The following EPB41L5 variants were observed in gnomAD, a reference collection of about 807,000 sequenced individuals.
EPB41L5 encodes the protein band 4.1-like protein 5.
EPB41L5 carries 55 observed loss-of-function variants against 106.6 expected under a neutral mutation model. The observed-to-expected ratio is 0.52, with a 90% CI of 0.42 to 0.65. The LOEUF (loss-of-function observed/expected upper bound fraction) is 0.65. EPB41L5 is among the 30% of genes least tolerant of loss of function. The probability of loss-of-function intolerance (pLI) is 0.00; values close to 1 mark genes in which losing one functional copy is unlikely to be tolerated. For missense variants in EPB41L5, 871 were observed against 882.1 expected (o/e 0.99, Z 0.16); for synonymous variants, 297 against 306.7 (o/e 0.97, Z 0.33).
rs1678695771 is a variant in EPB41L5, at chr2:120,031,321, G to A, written c.181-10685G>A. Among the ~76,000 whole-genome samples the A allele has an allele frequency of 6.6e-5, 10 of 152,282 alleles. No individual in the cohort carries two copies. The South Asian group carries it at 2.1e-3, about 32-fold the overall frequency. On this transcript the variant is annotated intron_variant, in intron 2 of 24. Transcript: ENST00000263713. The stretch of plus-strand genomic sequence containing the variant: ...GTCTTGATAAATTGGTTCTGTCTAG[G>A]CAGTGGGCAAGGTGAACCCATTGGG...
chr2:120,047,152 T>G (rs1679838444), intron 3 of EPB41L5, among the ~76,000 whole-genome samples: 2 of 152,208 alleles, frequency 1.3e-5, no homozygotes, highest in Admixed American at 1.3e-4. Flanking sequence ...GGGCTCTTTT[T>G]TGGTTCCGTA....
chr2:120,174,954 T>G lies in EPB41L5; in HGVS notation c.*47T>G, dbSNP rs1558923449. The G allele has an allele frequency of 1.9e-6, 3 of 1,551,680 alleles. No individual in the cohort carries two copies. The highest frequency in any genetic ancestry group is 1.8e-6 in the Non-Finnish European group (2 of 1,123,008). ...ATCTCTCCAGCATTCCGTCCTGGGA[T>G]CCGTTTCAGCTAGAATATGTTGGAT... On this transcript the variant is annotated 3_prime_UTR_variant, in exon 25 of 25. Coordinates refer to ENST00000263713, the MANE Select transcript of EPB41L5 (RefSeq NM_020909.4).
At chr2:120,036,116 A>G (rs1052614655) in intron 2 of EPB41L5, among the ~76,000 whole-genome samples, 23 of 152,238 alleles carry the variant, frequency 1.5e-4, no homozygotes, top group African/African-American at 5.3e-4. Context: ...AGTGTCTTCA[A>G]GAATAAATCA....
chr2:120,112,913 A>G (rs1188839957), intron 16 of EPB41L5, among the ~76,000 whole-genome samples: 1 of 152,230 alleles, frequency 6.6e-6, no homozygotes. Flanking sequence ...CTGGGCTTCA[A>G]ACTCAAGACA....
intron 10 of EPB41L5, among the ~76,000 whole-genome samples, chr2:120,079,127 G>A (rs1220566478): frequency 2.0e-5 from 3 of 152,114 alleles, no homozygotes; most frequent in East Asian, 1.9e-4. Context: ...GAGAATCAGG[G>A]TACTGTTTAC....
At chr2:120,153,157 G>A (rs1044519068) in intron 20 of EPB41L5, among the ~76,000 whole-genome samples, 29 of 151,998 alleles carry the variant, frequency 1.9e-4, no homozygotes, top group African/African-American at 6.3e-4. Context: ...TTTATTCTGA[G>A]CGTTGCTTTT....
chr2:120,093,543 G>A (rs1382153455), intron 14 of EPB41L5, among the ~76,000 whole-genome samples: 1 of 152,186 alleles, frequency 6.6e-6, no homozygotes, highest in East Asian at 1.9e-4. Context: ...AGTGGCTGAG[G>A]ATCTTAAGAT....
chr2:120,146,199 C>T, intron 19 of EPB41L5, 26 bp from the exon 20 acceptor site: 2 of 1,415,520 alleles, frequency 1.4e-6, no homozygotes, highest in Non-Finnish European at 2.0e-6. Context: ...TAAAGATTTA[C>T]TTTTTTTAAT....
At chr2:120,065,955 A>G (rs759679779) in intron 3 of EPB41L5, among the ~76,000 whole-genome samples, 1 of 152,176 alleles carries the variant, frequency 6.6e-6, no homozygotes, top group Non-Finnish European at 1.5e-5. Flanking sequence ...GCCAACACAC[A>G]TGTGTGTGCA....
chr2:120,174,779 C>T lies in EPB41L5; in HGVS notation c.2136-62C>T, dbSNP rs530286270. The T allele has an allele frequency of 3.4e-5, 48 of 1,417,830 alleles. No homozygotes were observed. In the African/African-American group the frequency reaches 5.8e-4, roughly 17 times the overall value. 87.8% of individuals were successfully genotyped at this position (1,417,830 alleles called of 1,614,324 possible). A position where few individuals can be genotyped will look rare whatever the true frequency, so the allele number is the denominator to read the frequency against. ...ATGCTCTGTGTGGCACTAATGGAGA[C>T]ATGAATGTCCTCCTCCAAACCCCAG... On this transcript the variant is annotated intron_variant, in intron 24 of 24. Coordinates refer to ENST00000263713, the MANE Select transcript of EPB41L5 (RefSeq NM_020909.4).
chr2:120,160,966 G>A lies in EPB41L5; in HGVS notation c.1879G>A (p.Val627Ile). The A allele has an allele frequency of 1.2e-6, 2 of 1,613,050 alleles. No homozygotes were observed. The highest frequency in any genetic ancestry group is 1.3e-5 in the African/African-American group (1 of 75,006). The change falls in exon 21 of 25, where the codon GTT becomes ATT. Residue 627 changes from valine (V) to isoleucine (I), a missense_variant. By Grantham distance (29) the Val-to-Ile change is conservative. Transcript: ENST00000263713. ...MLITPADSGS[V>I]LKEATDELDA... ...TATCACACCTGCCGACAGTGGTTCTGTTCTAAAGGTAAGAATACTTTTACT... is the reference window on the plus strand; with the variant it reads ...TATCACACCTGCCGACAGTGGTTCTATTCTAAAGGTAAGAATACTTTTACT...
At chr2:120,025,072 A>G (rs953997721) in intron 2 of EPB41L5, among the ~76,000 whole-genome samples, 5 of 152,180 alleles carry the variant, frequency 3.3e-5, no homozygotes, top group African/African-American at 7.2e-5. Flanking sequence ...AAGGAATGGT[A>G]CCGCTCCTCT....
chr2:120,159,734 C>G (rs181761939), intron 20 of EPB41L5, among the ~76,000 whole-genome samples: 5 of 152,122 alleles, frequency 3.3e-5, no homozygotes, highest in Non-Finnish European at 7.4e-5. Context: ...AATAGAGAGC[C>G]CAGAAATAGT....
chr2:120,083,957 A>G (rs1004932796), intron 10 of EPB41L5, among the ~76,000 whole-genome samples: 9 of 151,918 alleles, frequency 5.9e-5, no homozygotes, highest in African/African-American at 2.2e-4. Context: ...TGCTTGGTAG[A>G]TCTTCCTCCA....
intron 2 of EPB41L5, among the ~76,000 whole-genome samples, chr2:120,032,744 T>TA (rs1678798448): frequency 6.6e-6 from 1 of 152,252 alleles, no homozygotes; most frequent in Admixed American, 6.5e-5. Flanking sequence ...AAGCCTTTAA[T>TA]ACGTGAGGCA....
chr2:120,069,256 A>G (rs1162813800), intron 3 of EPB41L5, among the ~76,000 whole-genome samples: 1 of 152,044 alleles, frequency 6.6e-6, no homozygotes, highest in Non-Finnish European at 1.5e-5. Context: ...AAAGGGATCA[A>G]CGCAACAAGA....
At chr2:120,151,399 G>A (rs1323928747) in intron 20 of EPB41L5, among the ~76,000 whole-genome samples, 1 of 152,082 alleles carries the variant, frequency 6.6e-6, no homozygotes, top group African/African-American at 2.4e-5. Context: ...AAAATCAGTT[G>A]TATTTCTATA....
intron 16 of EPB41L5, among the ~76,000 whole-genome samples, chr2:120,112,246 T>C (rs1223300819): frequency 1.3e-5 from 2 of 152,220 alleles, no homozygotes; most frequent in Non-Finnish European, 2.9e-5. Context: ...AAGTGCATTT[T>C]TGACTTACGA....
intron 13 of EPB41L5, among the ~76,000 whole-genome samples, chr2:120,092,847 T>C (rs1178103919): frequency 2.6e-5 from 4 of 152,246 alleles, no homozygotes; most frequent in Non-Finnish European, 5.9e-5. Flanking sequence ...GGAGGAGATA[T>C]ATATGCATTG....
Sources: allele counts gnomAD v4.1 joint callset (sites outside exome capture counted in the v4.1 genomes callset), GRCh38; gene constraint gnomAD v4.1.1; transcripts MANE v1.5; gene names NCBI Gene and HGNC (gene_info 2026-07-23, HGNC 2026-07-21).